The following TANC1 variants were observed in gnomAD, a reference collection of about 807,000 sequenced individuals.
The protein encoded by TANC1 is protein TANC1.
TANC1 carries 77 observed loss-of-function variants against 149.7 expected under a neutral mutation model. The ratio of observed to expected loss-of-function variants is 0.51; its 90% CI spans 0.43 to 0.62. The LOEUF (loss-of-function observed/expected upper bound fraction) is 0.62. Among genes scored for constraint, TANC1 ranks in the 20% least tolerant of loss-of-function variants. TANC1 has a pLI of 0.00. For missense variants in TANC1, 1,985 were observed against 2,321.8 expected (o/e 0.85, Z 2.98); for synonymous variants, 854 against 925.0 (o/e 0.92, Z 1.39).
At chr2:158,986,707 A>G (rs1006649062) in intron 1 of TANC1, among the ~76,000 whole-genome samples, 2 of 152,202 alleles carry the variant, frequency 1.3e-5, no homozygotes, top group African/African-American at 4.8e-5. Context: ...GGAGCTTTTG[A>G]TAACTCCTCA....
chr2:159,187,913 TA>T (rs1346318571), intron 16 of TANC1, among the ~76,000 whole-genome samples: 2 of 152,350 alleles, frequency 1.3e-5, no homozygotes, highest in East Asian at 3.9e-4. Flanking sequence ...TGGAAATAAG[TA>T]AATGGGAAAC....
At position 159,150,393 on chromosome 2, in the gene TANC1, C is replaced by G. The variant is rs1462796078; in HGVS notation, c.519C>G (p.Ile173Met). The change falls in exon 7 of 27, where the codon ATC (isoleucine) becomes ATG (methionine). Residue 173 changes from isoleucine (I) to methionine (M), a missense_variant. Ile to Met is a conservative substitution (Grantham distance 10). Coordinates refer to ENST00000263635, the MANE Select transcript of TANC1 (RefSeq NM_033394.3). ...AGTGCACAGCTCTGAGTCAAGGCATCAGTCCTTGCTCCACACTAACAAGCA... is the reference window on the plus strand; with the variant it reads ...AGTGCACAGCTCTGAGTCAAGGCATGAGTCCTTGCTCCACACTAACAAGCA... ...ETMCTALSQG[I>M]SPCSTLTSST... is the part of the protein sequence containing the mutation. The G allele has an allele frequency of 6.2e-7, 1 of 1,614,128 alleles. No homozygotes were observed. The highest frequency in any genetic ancestry group is 1.7e-5 in the Admixed American group (1 of 60,012).
At chr2:159,059,947 G>GT (rs571783170) in intron 2 of TANC1, among the ~76,000 whole-genome samples, 10,075 of 102,858 alleles carry the variant, frequency 0.098, 583 homozygotes, top group East Asian at 0.2. Context: ...TGTTGTTGTT[G>GT]TTTTTTTTTT....
intron 2 of TANC1, among the ~76,000 whole-genome samples, chr2:159,040,769 G>A (rs928392428): frequency 6.6e-6 from 1 of 152,184 alleles, no homozygotes; most frequent in Admixed American, 6.5e-5. Context: ...CTGTCAACTA[G>A]TCAAAGTCAT....
intron 4 of TANC1, among the ~76,000 whole-genome samples, chr2:159,133,820 T>C (rs2050359443): frequency 6.6e-6 from 1 of 152,236 alleles, no homozygotes; most frequent in Non-Finnish European, 1.5e-5. Flanking sequence ...ACATGAATCA[T>C]TTAAAAACGA....
intron 3 of TANC1, among the ~76,000 whole-genome samples, chr2:159,077,963 A>T (rs972534782): frequency 7.2e-5 from 11 of 152,236 alleles, no homozygotes; most frequent in African/African-American, 2.4e-4. Flanking sequence ...GTTATGATCA[A>T]ACTATTTCAT....
chr2:159,014,958 CGCGCACAGTGCAA>C (rs1384123902), intron 2 of TANC1, among the ~76,000 whole-genome samples: 1 of 152,180 alleles, frequency 6.6e-6, no homozygotes, highest in Non-Finnish European at 1.5e-5. Context: ...GGATTTTCCA[CGCGCACAGTGCAA>C]GCTGTTAGTG....
At chr2:159,059,888 T>TG (rs1553532950) in intron 2 of TANC1, among the ~76,000 whole-genome samples, 7 of 114,804 alleles carry the variant, frequency 6.1e-5, no homozygotes, top group Non-Finnish European at 1.1e-4. Flanking sequence ...GCAGACCTCT[T>TG]TGTGTGTGTG....
chr2:158,994,522 T>A (rs1233140541), intron 1 of TANC1, among the ~76,000 whole-genome samples: 1 of 152,154 alleles, frequency 6.6e-6, no homozygotes, highest in Non-Finnish European at 1.5e-5. Flanking sequence ...CTTCCTCCCT[T>A]GGCTTCCCCA....
At chr2:159,215,470 C>T (rs1353849894) in intron 19 of TANC1, among the ~76,000 whole-genome samples, 5 of 152,184 alleles carry the variant, frequency 3.3e-5, no homozygotes, top group African/African-American at 1.2e-4. Flanking sequence ...GGTCACAAAT[C>T]AGCAACAGAC....
rs866629244 is a variant in TANC1, at chr2:159,145,031, G to A, written c.365-4111G>A. Among the ~76,000 whole-genome samples the A allele has an allele frequency of 2.8e-5, 4 of 142,634 alleles. No individual in the cohort carries two copies. The South Asian group carries it at 8.4e-4, about 30-fold the overall frequency. The allele number at this position is 142,634 out of a possible 152,430, so 93.6% of individuals were successfully genotyped here. A position where few individuals can be genotyped will look rare whatever the true frequency, so the allele number is the denominator to read the frequency against. The stretch of plus-strand genomic sequence containing the variant: ...TTTAGAGTCTGAGGAGGACGAGAAT[G>A]GAGGAAAGACTTCTCTATGGAGTGA... On this transcript the variant is annotated intron_variant, in intron 5 of 26. Coordinates refer to ENST00000263635, the MANE Select transcript of TANC1 (RefSeq NM_033394.3).
rs762586930 is a variant in TANC1 at position 159,172,127 on chromosome 2, A to T, written c.1358A>T (p.Asp453Val). The change falls in exon 11 of 27, where the codon GAC (aspartate) becomes GTC (valine). Residue 453 changes from aspartate to valine, a missense_variant. Physicochemically the swap from Asp to Val is radical, Grantham distance 152. Around this residue, in one of 3 missense-constraint regions of TANC1, gnomAD observed 557 missense variants for 612.9 expected, o/e 0.91. Coordinates refer to ENST00000263635, the MANE Select transcript of TANC1 (RefSeq NM_033394.3). ...AATGGGTCTTTCTCTGCAGCCTCTG[A>T]CCCCACTCAGGATCTTCATTTCACT... ...NSPGSSPKTS[D>V]PTQDLHFTPL... 6.2e-7 allele frequency: 1 copy of T among 1,614,072 alleles called. No homozygotes were observed. Among genetic ancestry groups the T allele is most frequent in the Non-Finnish European group, 8.5e-7 (1 of 1,179,976 alleles).
chr2:159,004,182 C>A (rs916631604), intron 2 of TANC1: 316 of 1,612,514 alleles, frequency 2.0e-4, no homozygotes, highest in Non-Finnish European at 2.4e-4. Context: ...TTTAACAAGC[C>A]TTAGGAAGTT....
intron 4 of TANC1, among the ~76,000 whole-genome samples, chr2:159,130,028 G>C (rs1403704370): frequency 6.6e-6 from 1 of 152,142 alleles, no homozygotes; most frequent in Non-Finnish European, 1.5e-5. Flanking sequence ...GCGGCAGCAG[G>C]ATACCAGTAC....
intron 8 of TANC1, among the ~76,000 whole-genome samples, chr2:159,164,062 G>A (rs2054324441): frequency 6.6e-6 from 1 of 152,070 alleles, no homozygotes; most frequent in African/African-American, 2.4e-5. Flanking sequence ...CTCAATCAAG[G>A]AAATGAAAAT....
In TANC1 at chr2:159,232,022, A is replaced by G. The variant is rs2060349745; in HGVS notation, c.*1010A>G. ...ATTTCAATGTAGTTAATCTAAAAAC[A>G]AAAAAGAAAACCCCAGTCACGATTT... is the stretch of plus-strand genomic sequence containing the variant. On this transcript the variant is annotated 3_prime_UTR_variant, in exon 27 of 27. Transcript: ENST00000263635. The G allele has an allele frequency of 6.6e-6, 1 of 152,644 alleles. No homozygotes were observed. Among genetic ancestry groups the G allele is most frequent in the African/African-American group, 2.4e-5 (1 of 41,466 alleles). 9.5% of individuals were successfully genotyped at this position (152,644 alleles called of 1,614,324 possible).
At chr2:159,025,189 T>TTTCTTTTCTTTC in intron 2 of TANC1, among the ~76,000 whole-genome samples, 1 of 105,286 alleles carries the variant, frequency 9.5e-6, no homozygotes, top group African/African-American at 3.6e-5. Context: ...TTTTTCTTTC[T>TTTCTTTTCTTTC]TTTCTTTCTT....
At chr2:159,148,692 A>C (rs1433755108) in intron 5 of TANC1, 1 of 152,514 alleles carries the variant, frequency 6.6e-6, no homozygotes, top group African/African-American at 2.4e-5. Context: ...GTTTAATGAG[A>C]GCTTGGATTT....
chr2:159,210,952 A>C (rs976272455), intron 19 of TANC1, among the ~76,000 whole-genome samples: 8 of 151,274 alleles, frequency 5.3e-5, no homozygotes, highest in African/African-American at 1.9e-4. Flanking sequence ...GCTCACTGCA[A>C]CCTCCGCCTC....
Sources: allele counts gnomAD v4.1 joint callset (sites outside exome capture counted in the v4.1 genomes callset), GRCh38; gene constraint gnomAD v4.1.1; regional missense constraint gnomAD v4.1.1; transcripts MANE v1.5; gene names NCBI Gene and HGNC (gene_info 2026-07-23, HGNC 2026-07-21).